CCDC13: variants seen among roughly 807,000 people sequenced by gnomAD.
The protein encoded by CCDC13 is coiled-coil domain-containing protein 13.
A neutral mutation model predicts 87.3 loss-of-function variants in CCDC13; 70 were observed. The observed-to-expected ratio is 0.80, with a 90% CI of 0.66 to 0.98. The LOEUF is 0.98. Ranked by LOEUF, CCDC13 falls within the 50% of genes least tolerant of loss-of-function variation. The pLI is 0.00. For synonymous variants in CCDC13, 317 were observed against 360.3 expected (o/e 0.88, Z 1.36); for missense variants, 842 against 892.0 (o/e 0.94, Z 0.71).
intron 2 of CCDC13, 80 bp from the exon 3 acceptor site, chr3:42,757,294 G>T: frequency 7.5e-7 from 1 of 1,338,852 alleles, no homozygotes; most frequent in Non-Finnish European, 1.0e-6. Context: ...CTGCCTAGGT[G>T]GACAGATGGA....
At chr3:42,768,998 C>T (rs988961382) in intron 1 of CCDC13, among the ~76,000 whole-genome samples, 7 of 151,688 alleles carry the variant, frequency 4.6e-5, no homozygotes, top group Non-Finnish European at 7.4e-5. Flanking sequence ...ATTAGCTGGG[C>T]GTGGTGGCAG....
chr3:42,733,344 G>C (rs1018609052), intron 11 of CCDC13, 126 bp downstream of exon 11: 5 of 1,217,056 alleles, frequency 4.1e-6, no homozygotes, highest in Non-Finnish European at 6.0e-6. Context: ...CCACGTATTG[G>C]AAGAACAACA....
chr3:42,770,000 C>T (rs1467076065), intron 1 of CCDC13, among the ~76,000 whole-genome samples: 1 of 152,268 alleles, frequency 6.6e-6, no homozygotes, highest in Non-Finnish European at 1.5e-5. Flanking sequence ...AGCGCCACCC[C>T]CTGCTCCGCA....
At position 42,747,315 on chromosome 3, in the gene CCDC13, A is replaced by G. The variant is rs1699438234; in HGVS notation, c.662T>C (p.Met221Thr). The G allele has an allele frequency of 1.9e-6, 3 of 1,613,992 alleles. No homozygotes were observed. The highest frequency in any genetic ancestry group is 2.5e-6 in the Non-Finnish European group (3 of 1,180,036). ...QDRLVATNLK[M>T]SDLRNQIQSV... ...CTGGATCTGGTTTCGGAGGTCACTC[A>G]TCTTCAAGTTGGTGGCCACCAGCCT... Residue 221 changes from methionine (M) to threonine (T), a missense_variant, in exon 6 of 16, where the codon ATG becomes ACG. Coordinates refer to ENST00000310232, the MANE Select transcript of CCDC13 (RefSeq NM_144719.4).
intron 1 of CCDC13, 41 bp from the exon 2 acceptor site, chr3:42,758,392 C>A: frequency 6.3e-7 from 1 of 1,591,552 alleles, no homozygotes; most frequent in Non-Finnish European, 8.6e-7. Flanking sequence ...GCAAACTCCA[C>A]ACCGAGCGCT....
At chr3:42,720,839 A>G (rs1214720909) in intron 13 of CCDC13, among the ~76,000 whole-genome samples, 2 of 152,248 alleles carry the variant, frequency 1.3e-5, no homozygotes, top group Non-Finnish European at 2.9e-5. Context: ...TTTTTCTTAG[A>G]GCAAAAACCT....
intron 1 of CCDC13, chr3:42,771,223 A>C (rs931422228): frequency 1.3e-5 from 2 of 152,268 alleles, no homozygotes; most frequent in African/African-American, 2.4e-5. Context: ...TACATGCTGT[A>C]TAATTGCAAA....
downstream of CCDC13, chr3:42,704,626 C>T (rs1698127962): frequency 6.6e-6 from 1 of 152,332 alleles, no homozygotes; most frequent in East Asian, 1.9e-4. Context: ...ACAGCAGGGT[C>T]TGCAGGGAGT....
chr3:42,767,561 T>G (rs1049182505), intron 1 of CCDC13, among the ~76,000 whole-genome samples: 8 of 152,210 alleles, frequency 5.3e-5, no homozygotes, highest in South Asian at 4.1e-4. Flanking sequence ...CCCAGCAAAT[T>G]ACTGTATGGA....
intron 13 of CCDC13, among the ~76,000 whole-genome samples, chr3:42,730,031 C>T (rs1698784919): frequency 6.6e-6 from 1 of 152,168 alleles, no homozygotes. Context: ...TCGTGCTTCC[C>T]TCCCTGCCTC....
At position 42,709,090 on chromosome 3, in the gene CCDC13, T is replaced by G; in HGVS notation, c.2038A>C (p.Ser680Arg). ...ENEMLKAALG[S>R]ALRGKEEDFR... ...TCCTCCTCCTTTCCCCGCAGGGCAC[T>G]GCCCAGGGCAGCCTTTAGCATTTCA... Residue 680 changes from serine to arginine, a missense_variant, in exon 16 of 16, where the codon AGT becomes CGT. Coordinates refer to ENST00000310232, the MANE Select transcript of CCDC13 (RefSeq NM_144719.4). 6.2e-7 allele frequency: 1 copy of G among 1,613,778 alleles called. No individual in the cohort carries two copies.
At chr3:42,736,271 G>A (rs1457877417) in intron 9 of CCDC13, among the ~76,000 whole-genome samples, 1 of 152,190 alleles carries the variant, frequency 6.6e-6, no homozygotes, top group African/African-American at 2.4e-5. Flanking sequence ...GCCCTTGGAG[G>A]CAGTACCTGG....
intron 13 of CCDC13, among the ~76,000 whole-genome samples, chr3:42,721,322 T>C (rs1698555702): frequency 6.6e-6 from 1 of 152,208 alleles, no homozygotes; most frequent in Non-Finnish European, 1.5e-5. Context: ...ACTACAGGAC[T>C]TTGACAGATG....
Position 42,708,957 on chromosome 3 carries a change from C to G in CCDC13, c.*23G>C, listed in dbSNP as rs1698237150. The G allele has an allele frequency of 6.3e-7, 1 of 1,598,182 alleles. No homozygotes were observed. The highest frequency in any genetic ancestry group is 8.5e-7 in the Non-Finnish European group (1 of 1,172,556). On this transcript the variant is annotated 3_prime_UTR_variant, in exon 16 of 16. Transcript: ENST00000310232. ...CAAGACCTGAGGCTGCCCACCCGGCCAGGCCGACACTGGGCTGTCATCCTA... is the reference window on the plus strand; with the variant it reads ...CAAGACCTGAGGCTGCCCACCCGGCGAGGCCGACACTGGGCTGTCATCCTA...
At chr3:42,714,157 T>C (rs1484677452) in intron 13 of CCDC13, 1 of 152,234 alleles carries the variant, frequency 6.6e-6, no homozygotes, top group African/African-American at 2.4e-5. Flanking sequence ...ACAGCAACTC[T>C]CTGAATAATC....
chr3:42,730,324 G>A (rs568345337), intron 13 of CCDC13, 143 bp downstream of exon 13: 121 of 1,153,880 alleles, frequency 1.0e-4, no homozygotes, highest in South Asian at 9.6e-5. Flanking sequence ...GTTGTGGGGC[G>A]CATGAGTTGT....
intron 13 of CCDC13, among the ~76,000 whole-genome samples, chr3:42,723,937 T>C (rs1488285231): frequency 6.6e-6 from 1 of 152,162 alleles, no homozygotes; most frequent in Non-Finnish European, 1.5e-5. Flanking sequence ...GCATACTATA[T>C]GATCTAATTA....
intron 1 of CCDC13, among the ~76,000 whole-genome samples, chr3:42,772,193 C>G (rs1034965499): frequency 1.4e-5 from 2 of 145,986 alleles, no homozygotes; most frequent in Admixed American, 1.4e-4. Flanking sequence ...TCGCTTGAAC[C>G]TGGGAGGCAG....
chr3:42,768,472 G>A (rs11708224), intron 1 of CCDC13, among the ~76,000 whole-genome samples: 144,631 of 151,770 alleles, frequency 0.95, 69,320 homozygotes, highest in South Asian at 1. Context: ...TGAGGCAGGC[G>A]GATCACCTGA....
Sources: gnomAD v4.1 joint callset for allele counts (sites outside exome capture counted in the v4.1 genomes callset) on GRCh38, gnomAD v4.1.1 for gene constraint, MANE v1.5 for transcripts, NCBI Gene and HGNC (gene_info 2026-07-23, HGNC 2026-07-21) for gene names.